The following PEAK1 variants were observed in gnomAD, a reference collection of about 807,000 sequenced individuals.
The protein encoded by PEAK1 is pseudopodium enriched atypical kinase 1.
PEAK1 carries 54 observed loss-of-function variants against 124.7 expected under a neutral mutation model. The observed-to-expected ratio is 0.43, with a 90% CI of 0.35 to 0.54. The LOEUF (loss-of-function observed/expected upper bound fraction) is 0.54, where lower values mean the gene tolerates loss of function less well. Ranked by LOEUF, PEAK1 falls within the 20% of genes least tolerant of loss-of-function variation. The probability of loss-of-function intolerance (pLI) is 0.01; values close to 1 mark genes in which losing one functional copy is unlikely to be tolerated. For missense variants in PEAK1, 2,046 were observed against 2,134.5 expected (o/e 0.96, Z 0.82); for synonymous variants, 719 against 760.0 (o/e 0.95, Z 0.89).
At chr15:77,418,603 C>T in intron 1 of PEAK1, 1 of 985,000 alleles carries the variant, frequency 1.0e-6, no homozygotes, top group Non-Finnish European at 1.2e-6. Context: ...AATAAGTCAC[C>T]AAAGAGAAGT....
chr15:77,181,904 G>A lies in PEAK1; in HGVS notation c.23C>T (p.Thr8Ile). 1 of 1,577,242 alleles carries A rather than the reference G, an allele frequency of 6.3e-7. No individual in the cohort carries two copies. Among genetic ancestry groups the A allele is most frequent in the Non-Finnish European group, 8.6e-7 (1 of 1,160,364 alleles). MSACNTF[T>I]EHVWKPGECK... Reference sequence around the variant, plus strand: ...TTCACCAGGTTTCCAAACATGTTCAGTAAAGGTGTTACAAGCAGACATTTT... The same window carrying A: ...TTCACCAGGTTTCCAAACATGTTCAATAAAGGTGTTACAAGCAGACATTTT... The change falls in exon 7 of 10, where the codon ACT becomes ATT. Residue 8 changes from threonine (T) to isoleucine (I), a missense_variant. Coordinates refer to ENST00000682557, the MANE Select transcript of PEAK1 (RefSeq NM_001385026.1).
At chr15:77,120,033 A>G (rs1188239794) in intron 9 of PEAK1, among the ~76,000 whole-genome samples, 1 of 152,196 alleles carries the variant, frequency 6.6e-6, no homozygotes, top group African/African-American at 2.4e-5. Context: ...AAGGCAACTA[A>G]GTCAGAGGGA....
rs2057202446 is a variant in PEAK1 at position 77,180,647 on chromosome 15, T to C, written c.1280A>G (p.Lys427Arg). The C allele has an allele frequency of 6.2e-7, 1 of 1,614,216 alleles. No homozygotes were observed. Among genetic ancestry groups the C allele is most frequent in the Non-Finnish European group, 8.5e-7 (1 of 1,180,026 alleles). Reference sequence around the variant, plus strand: ...TTCCTTCTCAGTTTGTACAGCAATCTTGCCATCTTTCTCTTCTAATCGGAG... The same window carrying C: ...TTCCTTCTCAGTTTGTACAGCAATCCTGCCATCTTTCTCTTCTAATCGGAG... ...LALRLEEKDGKIAVQTEKEES... is the reference protein window; with the variant it reads ...LALRLEEKDGRIAVQTEKEES... Residue 427 changes from lysine (K) to arginine (R), a missense_variant, in exon 7 of 10, where the codon AAG (lysine) becomes AGG (arginine). Transcript: ENST00000682557.
intron 2 of PEAK1, among the ~76,000 whole-genome samples, chr15:77,324,129 A>G (rs2065418604): frequency 1.3e-5 from 2 of 152,190 alleles, no homozygotes; most frequent in African/African-American, 2.4e-5. Flanking sequence ...TACTCCTAAT[A>G]CTTGGTTATG....
chr15:77,383,149 G>A (rs1204127405), intron 1 of PEAK1, among the ~76,000 whole-genome samples: 6 of 150,284 alleles, frequency 4.0e-5, no homozygotes, highest in Admixed American at 1.3e-4. Context: ...TCAGCCTCCC[G>A]AGTAGCTGGG....
In PEAK1 at chr15:77,112,950, T is replaced by C. The variant is rs2051072277; in HGVS notation, c.*1206A>G. The C allele has an allele frequency of 6.6e-6, 1 of 152,158 alleles. No homozygotes were observed. The allele number at this position is 152,158 out of a possible 1,614,324, so 9.4% of individuals were successfully genotyped here. ...CCTGTGAGCTGTCCTCCAGAGCCAT[T>C]TTACAGAGTCAGAAGGAGCAATGAG... is the stretch of plus-strand genomic sequence containing the variant. On this transcript the variant is annotated 3_prime_UTR_variant, in exon 10 of 10. Transcript: ENST00000682557.
chr15:77,298,618 T>A (rs1391011195), intron 2 of PEAK1, among the ~76,000 whole-genome samples: 1 of 152,116 alleles, frequency 6.6e-6, no homozygotes, highest in Non-Finnish European at 1.5e-5. Context: ...AATTAAATGG[T>A]GCTTTAAAGA....
intron 6 of PEAK1, among the ~76,000 whole-genome samples, chr15:77,202,240 T>G (rs562131712): frequency 6.6e-6 from 1 of 152,238 alleles, no homozygotes; most frequent in South Asian, 2.1e-4. Context: ...AGCACTAGAT[T>G]ATTTCTCAGA....
intron 2 of PEAK1, among the ~76,000 whole-genome samples, chr15:77,311,467 G>A (rs1328493292): frequency 6.6e-6 from 1 of 152,100 alleles, no homozygotes; most frequent in Non-Finnish European, 1.5e-5. Context: ...CTTGAGGTCA[G>A]GAGTTCAAGT....
intron 2 of PEAK1, among the ~76,000 whole-genome samples, chr15:77,295,406 T>TGA (rs2063433506): frequency 6.6e-6 from 1 of 152,194 alleles, no homozygotes; most frequent in South Asian, 2.1e-4. Context: ...ATCTTCACTT[T>TGA]TACTAGATTT....
intron 6 of PEAK1, among the ~76,000 whole-genome samples, chr15:77,185,138 G>C (rs2057475918): frequency 6.6e-6 from 1 of 152,150 alleles, no homozygotes; most frequent in South Asian, 2.1e-4. Context: ...AAAGTATTGA[G>C]GTTTTAGGTT....
At chr15:77,355,005 CT>C (rs1254231104) in intron 2 of PEAK1, among the ~76,000 whole-genome samples, 2 of 151,626 alleles carry the variant, frequency 1.3e-5, no homozygotes, top group Non-Finnish European at 2.9e-5. Context: ...CGCCACTGCA[CT>C]CCAGCCTGGG....
chr15:77,283,280 C>T (rs2062762751), intron 5 of PEAK1, among the ~76,000 whole-genome samples: 1 of 152,148 alleles, frequency 6.6e-6, no homozygotes, highest in African/African-American at 2.4e-5. Context: ...TCTGGGAGAT[C>T]CTCCTTTCTT....
At position 77,418,949 on chromosome 15, in the gene PEAK1, A is replaced by G. The variant is rs1026824410; in HGVS notation, c.-666+1057T>C. The G allele has an allele frequency of 1.5e-5, 15 of 985,222 alleles. No homozygotes were observed. In the African/African-American group the frequency reaches 2.4e-4, roughly 16 times the overall value. The allele number at this position is 985,222 out of a possible 1,614,324, so 61.0% of individuals were successfully genotyped here. Reference sequence around the variant, plus strand: ...GTACATCATCCAATGACCTAAAAATAGTCTTTTATGTAAGTCTCTAAGTAT... The same window carrying G: ...GTACATCATCCAATGACCTAAAAATGGTCTTTTATGTAAGTCTCTAAGTAT... On this transcript the variant is annotated intron_variant, in intron 1 of 9. Transcript: ENST00000682557.
intron 2 of PEAK1, among the ~76,000 whole-genome samples, chr15:77,318,983 G>C (rs1417695156): frequency 3.3e-5 from 5 of 152,070 alleles, no homozygotes; most frequent in African/African-American, 1.2e-4. Flanking sequence ...AGTATAAAAT[G>C]CTAATTCAAA....
chr15:77,369,568 A>G (rs1028454534), intron 1 of PEAK1, among the ~76,000 whole-genome samples: 7 of 152,184 alleles, frequency 4.6e-5, no homozygotes, highest in African/African-American at 1.7e-4. Flanking sequence ...GTTTTTACGT[A>G]TTTAAAGGGC....
At chr15:77,316,884 C>A (rs2064911765) in intron 2 of PEAK1, among the ~76,000 whole-genome samples, 1 of 152,052 alleles carries the variant, frequency 6.6e-6, no homozygotes, top group South Asian at 2.1e-4. Context: ...TTGAGACCTG[C>A]CTGGCCGACA....
intron 1 of PEAK1, chr15:77,404,684 CTAATA>C: frequency 2.1e-6 from 2 of 952,414 alleles, no homozygotes; most frequent in Non-Finnish European, 2.5e-6. Flanking sequence ...GTCTGCTGTA[CTAATA>C]TATTTGGAGA....
At chr15:77,293,936 T>A (rs898202929) in intron 2 of PEAK1, among the ~76,000 whole-genome samples, 1 of 152,184 alleles carries the variant, frequency 6.6e-6, no homozygotes, top group Non-Finnish European at 1.5e-5. Flanking sequence ...GAAGGGGTCA[T>A]CAAGTCCAAG....
Sources: allele counts gnomAD v4.1 joint callset (sites outside exome capture counted in the v4.1 genomes callset), GRCh38; gene constraint gnomAD v4.1.1; transcripts MANE v1.5; gene names NCBI Gene and HGNC (gene_info 2026-07-23, HGNC 2026-07-21).